ARHGAP29: variants seen among roughly 807,000 people sequenced by gnomAD.
ARHGAP29 encodes Rho GTPase activating protein 29.
ARHGAP29 carries 43 observed loss-of-function variants against 122.6 expected under a neutral mutation model. The ratio of observed to expected loss-of-function variants is 0.35; its 90% confidence interval spans 0.27 to 0.45. The LOEUF (loss-of-function observed/expected upper bound fraction) is 0.45. ARHGAP29 is among the 20% of genes least tolerant of loss of function. The pLI, the probability that ARHGAP29 is intolerant of heterozygous loss-of-function variation, is 1.00. For synonymous variants in ARHGAP29, 506 were observed against 497.1 expected (o/e 1.02, Z -0.24); for missense variants, 1,303 against 1,477.2 (o/e 0.88, Z 1.93).
the ARHGAP29 span, among the ~76,000 whole-genome samples, chr1:94,293,478 T>C: frequency 6.6e-6 from 1 of 152,186 alleles, no homozygotes; most frequent in South Asian, 2.1e-4. Flanking sequence ...TCACCCTCCA[T>C]GGGCTGCACC....
chr1:94,224,676 C>A (rs1482214077), intron 2 of ARHGAP29, among the ~76,000 whole-genome samples: 1 of 152,038 alleles, frequency 6.6e-6, no homozygotes, highest in Non-Finnish European at 1.5e-5. Context: ...TCCTGGGAGT[C>A]CCTGCTATAG....
chr1:94,190,021 C>G lies in ARHGAP29; in HGVS notation c.1344G>C (p.Gln448His). 6.2e-7 allele frequency: 1 copy of G among 1,613,524 alleles called. No individual in the cohort carries two copies. Among genetic ancestry groups the G allele is most frequent in the Non-Finnish European group, 8.5e-7 (1 of 1,179,636 alleles). ...LQAASLADSL[Q>H]SLCDSAKLYD... ...AGAGTTTGGCACTATCACAGAGAGA[C>G]TGTAAACTGTCTGCAAGGGAAGCAG... The change falls in exon 13 of 23, where the codon CAG becomes CAC. Residue 448 changes from glutamine to histidine, a missense_variant. Coordinates refer to ENST00000260526, the MANE Select transcript of ARHGAP29 (RefSeq NM_004815.4).
the ARHGAP29 span, among the ~76,000 whole-genome samples, chr1:94,299,303 AT>A: frequency 1.1e-4 from 17 of 152,144 alleles, no homozygotes; most frequent in African/African-American, 4.1e-4. Context: ...CAGCCTTCTA[AT>A]TTTTTTCCTT....
intron 12 of ARHGAP29, among the ~76,000 whole-genome samples, chr1:94,201,401 T>A (rs542108353): frequency 1.3e-5 from 2 of 152,166 alleles, no homozygotes; most frequent in African/African-American, 4.8e-5. Flanking sequence ...TTGTAACTTA[T>A]CAGGCATACC....
intron 3 of ARHGAP29, among the ~76,000 whole-genome samples, chr1:94,212,911 C>T (rs1266572163): frequency 6.6e-6 from 1 of 152,152 alleles, no homozygotes; most frequent in African/African-American, 2.4e-5. Context: ...AACTTTACTC[C>T]TCCTTCACAG....
At chr1:94,240,791 T>C (rs1653543293), upstream of ARHGAP29, among the ~76,000 whole-genome samples, 1 of 152,210 alleles carries the variant, frequency 6.6e-6, no homozygotes, top group Non-Finnish European at 1.5e-5. Context: ...TCCCCAAATC[T>C]TCCTCATGTG....
chr1:94,247,780 C>T (rs1008555676), intron 1 of ARHGAP29: 2 of 445,364 alleles, frequency 4.5e-6, no homozygotes, highest in Non-Finnish European at 5.9e-6. Context: ...CTGCCCCGCC[C>T]CTTGGAGCCC....
chr1:94,174,098 G>C lies in ARHGAP29; in HGVS notation c.3557C>G (p.Pro1186Arg). The C allele has an allele frequency of 6.2e-7, 1 of 1,614,182 alleles. No individual in the cohort carries two copies. Among genetic ancestry groups the C allele is most frequent in the Non-Finnish European group, 8.5e-7 (1 of 1,180,034 alleles). Reference sequence around the variant, plus strand: ...TGTGCCAGGAGGCACTGCTGCTGAGGGTGAAGCTGGCTTCTCCTCATTCCC... The same window carrying C: ...TGTGCCAGGAGGCACTGCTGCTGAGCGTGAAGCTGGCTTCTCCTCATTCCC... ...IRGNEEKPAS[P>R]SAAVPPGTDH... Residue 1186 changes from proline (P) to arginine (R), a missense_variant, in exon 23 of 23, where the codon CCC becomes CGC. Pro to Arg is a moderately radical substitution (Grantham distance 103). Transcript: ENST00000260526.
intron 12 of ARHGAP29, among the ~76,000 whole-genome samples, chr1:94,200,482 T>C (rs1650769766): frequency 6.6e-6 from 1 of 152,204 alleles, no homozygotes; most frequent in Admixed American, 6.5e-5. Flanking sequence ...GGAAAACAGT[T>C]TGGCAGTTTC....
At chr1:94,203,783 C>A in intron 8 of ARHGAP29, 147 bp downstream of exon 8, 1 of 652,856 alleles carries the variant, frequency 1.5e-6, no homozygotes, top group South Asian at 2.1e-5. Context: ...AATGGACATC[C>A]ATCTAAACTT....
chr1:94,258,642 TA>T (rs1654450678), intron 1 of ARHGAP29, among the ~76,000 whole-genome samples: 1 of 152,174 alleles, frequency 6.6e-6, no homozygotes, highest in Non-Finnish European at 1.5e-5. Flanking sequence ...ACAGGCCTGA[TA>T]GGGGCAGTTT....
the ARHGAP29 span, among the ~76,000 whole-genome samples, chr1:94,284,461 C>T: frequency 6.6e-6 from 1 of 152,144 alleles, no homozygotes; most frequent in Non-Finnish European, 1.5e-5. Flanking sequence ...CTATTTGCCC[C>T]TCTTTGTGTG....
the ARHGAP29 span, among the ~76,000 whole-genome samples, chr1:94,304,109 G>T: frequency 6.6e-6 from 1 of 152,114 alleles, no homozygotes; most frequent in East Asian, 1.9e-4. Context: ...TAGTTATTCT[G>T]CTGGAACACT....
chr1:94,279,731 C>A (rs1231097459), upstream of ARHGAP29, among the ~76,000 whole-genome samples: 1 of 152,176 alleles, frequency 6.6e-6, no homozygotes, highest in Non-Finnish European at 1.5e-5. Flanking sequence ...TTGGGCCGCA[C>A]CTCTACACCC....
chr1:94,300,750 A>G, the ARHGAP29 span, among the ~76,000 whole-genome samples: 1 of 152,176 alleles, frequency 6.6e-6, no homozygotes, highest in East Asian at 1.9e-4. Flanking sequence ...TACCTGGCAT[A>G]TAGGTACTAT....
At chr1:94,289,367 T>C in the ARHGAP29 span, among the ~76,000 whole-genome samples, 1 of 152,252 alleles carries the variant, frequency 6.6e-6, no homozygotes, top group Non-Finnish European at 1.5e-5. Flanking sequence ...TGAAGTTGCT[T>C]ATCAGCTTAA....
intron 1 of ARHGAP29, among the ~76,000 whole-genome samples, chr1:94,247,167 C>T (rs1197209477): frequency 1.3e-5 from 2 of 152,086 alleles, no homozygotes; most frequent in Non-Finnish European, 2.9e-5. Context: ...AAAAAGCATC[C>T]CCAGTAAGAA....
intron 2 of ARHGAP29, 32 bp downstream of exon 2, chr1:94,231,375 C>G: frequency 1.3e-6 from 2 of 1,575,300 alleles, no homozygotes; most frequent in South Asian, 2.2e-5. Flanking sequence ...TACAAACTAT[C>G]CAGCAAGAAT....
At chr1:94,236,376 G>GC in intron 1 of ARHGAP29, among the ~76,000 whole-genome samples, 1 of 152,288 alleles carries the variant, frequency 6.6e-6, no homozygotes, top group East Asian at 1.9e-4. Flanking sequence ...TTGCCAAAGA[G>GC]CAAGTTCCTC....
Sources: gnomAD v4.1 joint callset for allele counts (sites outside exome capture counted in the v4.1 genomes callset) on GRCh38, gnomAD v4.1.1 for gene constraint, MANE v1.5 for transcripts, NCBI Gene and HGNC (gene_info 2026-07-23, HGNC 2026-07-21) for gene names.